The following ULK4 variants were observed in gnomAD, a reference collection of about 807,000 sequenced individuals.
ULK4 encodes inactive serine/threonine-protein kinase ULK4.
Under a neutral mutation model 160.6 loss-of-function variants are expected in ULK4, and 133 were observed. That is an observed-to-expected ratio of 0.83 (90% confidence interval 0.72 to 0.96). The LOEUF is 0.96. ULK4 is among the 40% of genes least tolerant of loss of function. The pLI, the probability that ULK4 is intolerant of heterozygous loss-of-function variation, is 0.00. For synonymous variants in ULK4, 534 were observed against 539.8 expected (o/e 0.99, Z 0.15); for missense variants, 1,580 against 1,499.5 (o/e 1.05, Z -0.89).
At chr3:41,917,943 C>A (rs1428175380) in intron 7 of ULK4, among the ~76,000 whole-genome samples, 1 of 151,924 alleles carries the variant, frequency 6.6e-6, no homozygotes, top group Non-Finnish European at 1.5e-5. Flanking sequence ...GCCGAGAACA[C>A]GCCACTGCAC....
intron 35 of ULK4, among the ~76,000 whole-genome samples, chr3:41,305,025 A>G (rs1169422528): frequency 6.6e-6 from 1 of 152,186 alleles, no homozygotes; most frequent in Non-Finnish European, 1.5e-5. Context: ...GGGCCACCAA[A>G]ATGATACATG....
intron 31 of ULK4, among the ~76,000 whole-genome samples, chr3:41,586,101 A>G (rs1388329741): frequency 6.6e-6 from 1 of 152,198 alleles, no homozygotes; most frequent in Non-Finnish European, 1.5e-5. Context: ...GTTACTCAAA[A>G]CATTTAAAGT....
At chr3:41,901,718 G>GGCC (rs1698372572) in intron 12 of ULK4, among the ~76,000 whole-genome samples, 1 of 151,730 alleles carries the variant, frequency 6.6e-6, no homozygotes, top group Non-Finnish European at 1.5e-5. Flanking sequence ...GGTCTCAGGT[G>GGCC]ATCCACCCAA....
chr3:41,526,081 T>C (rs1481114455), intron 32 of ULK4, among the ~76,000 whole-genome samples: 1 of 152,196 alleles, frequency 6.6e-6, no homozygotes, highest in African/African-American at 2.4e-5. Flanking sequence ...TTGCTCCTTA[T>C]CTCCTTCTCT....
At chr3:41,830,687 C>G (rs1175540834) in intron 18 of ULK4, among the ~76,000 whole-genome samples, 3 of 152,076 alleles carry the variant, frequency 2.0e-5, no homozygotes, top group Non-Finnish European at 4.4e-5. Context: ...GACCAGGTAC[C>G]TGACTACTCT....
At chr3:41,424,391 T>G (rs987351726) in intron 34 of ULK4, among the ~76,000 whole-genome samples, 1 of 151,574 alleles carries the variant, frequency 6.6e-6, no homozygotes, top group Non-Finnish European at 1.5e-5. Flanking sequence ...TTCCCCCCAG[T>G]GCAGCACACC....
chr3:41,775,786 G>A, intron 21 of ULK4, among the ~76,000 whole-genome samples: 1 of 150,590 alleles, frequency 6.6e-6, no homozygotes, highest in East Asian at 1.9e-4. Flanking sequence ...ATATCCTTCT[G>A]CAGCTTGCCT....
intron 2 of ULK4, among the ~76,000 whole-genome samples, chr3:41,952,774 C>G (rs1700332837): frequency 6.6e-6 from 1 of 152,148 alleles, no homozygotes; most frequent in Admixed American, 6.5e-5. Context: ...ATATTCATAG[C>G]ACCATTGTTC....
intron 32 of ULK4, among the ~76,000 whole-genome samples, chr3:41,489,336 C>T (rs2084662852): frequency 1.3e-5 from 2 of 152,214 alleles, no homozygotes; most frequent in African/African-American, 4.8e-5. Context: ...TTTCCAGTTG[C>T]TCATCACTAG....
At chr3:41,623,101 T>A (rs2033334411) in intron 30 of ULK4, among the ~76,000 whole-genome samples, 1 of 152,238 alleles carries the variant, frequency 6.6e-6, no homozygotes, top group African/African-American at 2.4e-5. Context: ...GAATTTTGTA[T>A]GATAAATTAC....
At chr3:41,499,744 C>A (rs2085124602) in intron 32 of ULK4, among the ~76,000 whole-genome samples, 1 of 152,096 alleles carries the variant, frequency 6.6e-6, no homozygotes, top group African/African-American at 2.4e-5. Context: ...GTGTATGGCA[C>A]ATTGGGGTTA....
chr3:41,737,674 T>G (rs945763165), intron 22 of ULK4, among the ~76,000 whole-genome samples: 1 of 151,906 alleles, frequency 6.6e-6, no homozygotes, highest in African/African-American at 2.4e-5. Flanking sequence ...CAGAAACAAT[T>G]TGTACTTTAA....
At chr3:41,392,986 T>A (rs927597455) in intron 35 of ULK4, among the ~76,000 whole-genome samples, 1 of 152,154 alleles carries the variant, frequency 6.6e-6, no homozygotes, top group Non-Finnish European at 1.5e-5. Context: ...CATATGCATA[T>A]CCAATCTCAT....
intron 35 of ULK4, among the ~76,000 whole-genome samples, chr3:41,254,477 G>A (rs2078795413): frequency 1.3e-5 from 2 of 152,156 alleles, no homozygotes; most frequent in African/African-American, 4.8e-5. Flanking sequence ...GTCAGCATCT[G>A]GAAGGGGGCT....
intron 35 of ULK4, among the ~76,000 whole-genome samples, chr3:41,268,658 T>C (rs552351072): frequency 1.7e-4 from 26 of 151,516 alleles, no homozygotes; most frequent in Non-Finnish European, 3.5e-4. Context: ...ATGCAAAAAT[T>C]AGCTGGGAAT....
intron 21 of ULK4, among the ~76,000 whole-genome samples, chr3:41,759,907 T>C (rs1467085267): frequency 6.6e-6 from 1 of 152,124 alleles, no homozygotes; most frequent in East Asian, 1.9e-4. Context: ...CATGCAAAAA[T>C]GTTAACTTAC....
intron 35 of ULK4, among the ~76,000 whole-genome samples, chr3:41,290,702 G>C (rs1297656413): frequency 1.3e-5 from 2 of 152,188 alleles, no homozygotes; most frequent in Non-Finnish European, 2.9e-5. Context: ...AGAATTATTT[G>C]AACTCCTCTA....
rs1338755230 is a variant in ULK4, at chr3:41,887,693, C to T, written c.1578-3741G>A. ...AAAATTAGCTGGGCGTGGTGGTGGG[C>T]GCCTGCAATCCCAGCTACTCGGGAG... On this transcript the variant is annotated intron_variant, in intron 16 of 36. Transcript: ENST00000301831. 5.3e-5 allele frequency among the ~76,000 whole-genome samples: 8 copies of T among 151,818 alleles called. No individual in the cohort carries two copies. The South Asian group carries it at 8.3e-4, about 16-fold the overall frequency.
chr3:41,916,967 C>T (rs1325434430), intron 7 of ULK4, among the ~76,000 whole-genome samples: 1 of 152,074 alleles, frequency 6.6e-6, no homozygotes, highest in Non-Finnish European at 1.5e-5. Flanking sequence ...CTCAGCCTCC[C>T]AAAGTGCTAG....
Sources: allele counts gnomAD v4.1 joint callset (sites outside exome capture counted in the v4.1 genomes callset), GRCh38; gene constraint gnomAD v4.1.1; transcripts MANE v1.5; gene names NCBI Gene and HGNC (gene_info 2026-07-23, HGNC 2026-07-21).